The following NKAIN1 variants were observed in gnomAD, a reference collection of about 807,000 sequenced individuals.
NKAIN1 encodes the protein sodium/potassium transporting ATPase interacting 1, also known as sodium/potassium-transporting ATPase subunit beta-1-interacting protein 1.
Under a neutral mutation model 31.6 loss-of-function variants are expected in NKAIN1, and 13 were observed. The observed-to-expected ratio is 0.41, with a 90% confidence interval of 0.27 to 0.65. NKAIN1 has a LOEUF of 0.65. Among genes scored for constraint, NKAIN1 ranks in the 30% least tolerant of loss-of-function variants. NKAIN1 has a pLI of 0.30. For missense variants in NKAIN1, 193 were observed against 262.2 expected (o/e 0.74, Z 1.82); for synonymous variants, 104 against 109.0 (o/e 0.95, Z 0.28).
chr1:31,216,690 T>TTTTATCTATTTATCTATCTA (rs369336386), intron 1 of NKAIN1, among the ~76,000 whole-genome samples: 103 of 140,570 alleles, frequency 7.3e-4, no homozygotes, highest in Middle Eastern at 3.5e-3. Context: ...TGGCATTGAC[T>TTTTATCTATTTATCTATCTA]TTTATTTATT....
intron 1 of NKAIN1, among the ~76,000 whole-genome samples, chr1:31,232,426 GAGAGAGAGAGAGAGAGAGA>G (rs1645659761): frequency 8.0e-5 from 1 of 12,486 alleles, no homozygotes; most frequent in African/African-American, 2.3e-4. Flanking sequence ...TATATATATA[GAGAGAGAGAGAGAGAGAGA>G]GAGAGAGAGA....
At chr1:31,181,797 T>C in intron 6 of NKAIN1, 63 bp downstream of exon 6, 1 of 1,563,482 alleles carries the variant, frequency 6.4e-7, no homozygotes, top group Non-Finnish European at 8.7e-7. Flanking sequence ...CACTCCTCCA[T>C]CCCCTCCTTT....
At position 31,239,330 on chromosome 1, in the gene NKAIN1, G is replaced by A. The variant is rs369161924; in HGVS notation, c.54+164C>T. ...CACACAAAGAGACAGCCCGGCCAGC[G>A]GGAGCAGGCTCCGCCCGACCGCTCC... On this transcript the variant is annotated intron_variant, in intron 1 of 6. Transcript: ENST00000373736. This position sits in a 1 kb window ranked among gnomAD's most constrained non-coding sequence, Gnocchi z 4.8. Among the ~76,000 whole-genome samples, 14 of 152,096 alleles carry A rather than the reference G, an allele frequency of 9.2e-5. No individual in the cohort carries two copies. In the East Asian group the frequency reaches 1.4e-3, roughly 15 times the overall value.
intron 1 of NKAIN1, among the ~76,000 whole-genome samples, chr1:31,195,296 T>G (rs1645316765): frequency 6.6e-6 from 1 of 151,646 alleles, no homozygotes; most frequent in South Asian, 2.1e-4. Context: ...ATTTTTTGTA[T>G]TTTTTAGTGG....
At chr1:31,202,534 G>A (rs1483494941) in intron 1 of NKAIN1, among the ~76,000 whole-genome samples, 11 of 151,570 alleles carry the variant, frequency 7.3e-5, no homozygotes, top group East Asian at 5.9e-4. Context: ...AAAACTAGCC[G>A]GGTGTGGTGG....
chr1:31,193,651 G>A (rs572302678), intron 1 of NKAIN1, among the ~76,000 whole-genome samples: 3 of 152,074 alleles, frequency 2.0e-5, no homozygotes, highest in Non-Finnish European at 4.4e-5. Flanking sequence ...AGCTGAGATC[G>A]TGCCCTTGCA....
chr1:31,199,876 C>G (rs1403208062), intron 1 of NKAIN1, among the ~76,000 whole-genome samples: 2 of 152,144 alleles, frequency 1.3e-5, no homozygotes, highest in Non-Finnish European at 2.9e-5. Context: ...GAGAGCTCGT[C>G]TGGAGACAGA....
In NKAIN1 at chr1:31,239,379, C is replaced by T; in HGVS notation, c.54+115G>A. On this transcript the variant is annotated intron_variant, in intron 1 of 6. Transcript: ENST00000373736. The surrounding 1 kb of genome is among the most constrained non-coding windows in gnomAD (Gnocchi z 4.8). ...CCGAGACTCCAGACCACCCCCCGCC[C>T]GGGCACACGCACCAGACACACACAC... 4.1e-6 allele frequency: 3 copies of T among 731,700 alleles called. No homozygotes were observed. Among genetic ancestry groups the T allele is most frequent in the East Asian group, 3.7e-5 (1 of 26,712 alleles). 45.3% of individuals were successfully genotyped at this position (731,700 alleles called of 1,614,324 possible).
chr1:31,184,816 TCTAA>T (rs910966410), intron 3 of NKAIN1, among the ~76,000 whole-genome samples: 2 of 152,190 alleles, frequency 1.3e-5, no homozygotes, highest in African/African-American at 4.8e-5. Context: ...CTGAACAAAC[TCTAA>T]CTAGTCTCTT....
chr1:31,227,382 C>G (rs987008439), intron 1 of NKAIN1, among the ~76,000 whole-genome samples: 1 of 152,156 alleles, frequency 6.6e-6, no homozygotes, highest in African/African-American at 2.4e-5. Flanking sequence ...AAGGGCAAGA[C>G]CTGGGTTTGC....
At chr1:31,214,352 G>A (rs1328092374) in intron 1 of NKAIN1, among the ~76,000 whole-genome samples, 1 of 151,600 alleles carries the variant, frequency 6.6e-6, no homozygotes, top group Non-Finnish European at 1.5e-5. Flanking sequence ...TCAGGAATCA[G>A]ATAGTGGTGA....
chr1:31,202,849 C>T (rs773301196), intron 1 of NKAIN1, among the ~76,000 whole-genome samples: 13 of 149,430 alleles, frequency 8.7e-5, no homozygotes, highest in East Asian at 2.0e-4. Context: ...TGGTGGTGTG[C>T]GCCTGTAGTC....
At chr1:31,205,780 G>A (rs528814412) in intron 1 of NKAIN1, among the ~76,000 whole-genome samples, 8 of 151,378 alleles carry the variant, frequency 5.3e-5, no homozygotes, top group East Asian at 2.0e-4. Flanking sequence ...GTGCCACCAC[G>A]CCCAGCTAAT....
rs1645187069 is a variant in NKAIN1, at chr1:31,180,271, A to G, written c.*1432T>C. 1 of 152,470 alleles carries G rather than the reference A, an allele frequency of 6.6e-6. No individual in the cohort carries two copies. The highest frequency in any genetic ancestry group is 2.1e-4 in the South Asian group (1 of 4,834). The allele number at this position is 152,470 out of a possible 1,614,324, so 9.4% of individuals were successfully genotyped here. On this transcript the variant is annotated 3_prime_UTR_variant, in exon 7 of 7. Coordinates refer to ENST00000373736, the MANE Select transcript of NKAIN1 (RefSeq NM_024522.3). Reference sequence around the variant, plus strand: ...TGTCTCCTGCCCTCCTTTCTAACCCAGGGCCATGCCTCTTTCACAGATGAA... The same window carrying G: ...TGTCTCCTGCCCTCCTTTCTAACCCGGGGCCATGCCTCTTTCACAGATGAA...
chr1:31,215,996 G>T (rs750701441), intron 1 of NKAIN1, among the ~76,000 whole-genome samples: 1 of 152,104 alleles, frequency 6.6e-6, no homozygotes, highest in Non-Finnish European at 1.5e-5. Context: ...CTCAGAGCTG[G>T]AGTGGGGGCA....
At chr1:31,218,596 A>C (rs919433368) in intron 1 of NKAIN1, among the ~76,000 whole-genome samples, 6 of 152,186 alleles carry the variant, frequency 3.9e-5, no homozygotes, top group African/African-American at 1.4e-4. Context: ...CCTCTTCTGC[A>C]AAATGGGAGG....
intron 1 of NKAIN1, among the ~76,000 whole-genome samples, chr1:31,224,219 T>C (rs941010915): frequency 6.6e-6 from 1 of 152,128 alleles, no homozygotes; most frequent in African/African-American, 2.4e-5. Flanking sequence ...GAGCCGATGA[T>C]AGGAGTGGTT....
intron 1 of NKAIN1, among the ~76,000 whole-genome samples, chr1:31,202,869 C>G (rs149419828): frequency 5.3e-5 from 8 of 150,234 alleles, no homozygotes; most frequent in African/African-American, 2.0e-4. Flanking sequence ...CCCAGCTACT[C>G]GGGAGGCTGA....
intron 1 of NKAIN1, among the ~76,000 whole-genome samples, chr1:31,215,387 C>G (rs979247936): frequency 6.6e-6 from 1 of 152,172 alleles, no homozygotes; most frequent in Non-Finnish European, 1.5e-5. Context: ...AGAATCACAG[C>G]AGGCACCAAC....
Sources: allele counts gnomAD v4.1 joint callset (sites outside exome capture counted in the v4.1 genomes callset), GRCh38; gene constraint gnomAD v4.1.1; non-coding constraint Gnocchi (gnomAD v3.1); transcripts MANE v1.5; gene names NCBI Gene and HGNC (gene_info 2026-07-23, HGNC 2026-07-21).